The following FHIT variants were observed in gnomAD, a reference collection of about 807,000 sequenced individuals.
FHIT encodes bis(5'-adenosyl)-triphosphatase.
Under a neutral mutation model 17.9 loss-of-function variants are expected in FHIT, and 19 were observed. The ratio of observed to expected loss-of-function variants is 1.06; its 90% CI spans 0.74 to 1.56. The LOEUF (loss-of-function observed/expected upper bound fraction) is 1.56. FHIT is among the 40% of genes most tolerant of loss of function. The pLI is 0.00. For synonymous variants in FHIT, 81 were observed against 69.7 expected (o/e 1.16, Z -0.81); for missense variants, 248 against 189.2 (o/e 1.31, Z -1.82).
intron 5 of FHIT, among the ~76,000 whole-genome samples, chr3:60,360,275 T>A (rs2106994144): frequency 6.6e-6 from 1 of 151,832 alleles, no homozygotes; most frequent in South Asian, 2.1e-4. Flanking sequence ...TCTGAAACAA[T>A]CTTGAAAAGC....
intron 5 of FHIT, among the ~76,000 whole-genome samples, chr3:60,228,610 A>G (rs181307639): frequency 6.6e-6 from 1 of 152,246 alleles, no homozygotes; most frequent in African/African-American, 2.4e-5. Context: ...CTACATGTAT[A>G]AAATGGGAGA....
At chr3:61,239,948 G>A (rs1385376974) in intron 1 of FHIT, among the ~76,000 whole-genome samples, 2 of 151,956 alleles carry the variant, frequency 1.3e-5, no homozygotes, top group Non-Finnish European at 2.9e-5. Context: ...GGCCTCACCA[G>A]GGCCCTTGCA....
At chr3:60,493,146 G>A (rs137993815) in intron 5 of FHIT, among the ~76,000 whole-genome samples, 1 of 152,270 alleles carries the variant, frequency 6.6e-6, no homozygotes, top group East Asian at 1.9e-4. Flanking sequence ...GAATTTAGAG[G>A]AGTAAAAGAA....
intron 4 of FHIT, among the ~76,000 whole-genome samples, chr3:60,591,454 G>C (rs1553664233): frequency 6.6e-6 from 1 of 152,064 alleles, no homozygotes; most frequent in African/African-American, 2.4e-5. Flanking sequence ...CAGAGCAGGA[G>C]CTAGTTCCAA....
intron 8 of FHIT, among the ~76,000 whole-genome samples, chr3:59,868,452 A>C (rs372781252): frequency 5.9e-5 from 9 of 152,328 alleles, no homozygotes; most frequent in African/African-American, 1.9e-4. Context: ...AAATTAGCTC[A>C]AGCATCCCTT....
At chr3:60,465,754 T>G (rs1345139580) in intron 5 of FHIT, among the ~76,000 whole-genome samples, 3 of 152,112 alleles carry the variant, frequency 2.0e-5, no homozygotes, top group Admixed American at 6.5e-5. Context: ...TCTATGTGTC[T>G]GTTTTTATGC....
intron 4 of FHIT, among the ~76,000 whole-genome samples, chr3:60,569,200 A>G (rs544113566): frequency 6.6e-6 from 1 of 152,176 alleles, no homozygotes; most frequent in Admixed American, 6.5e-5. Context: ...TTAAAATAGA[A>G]ATCTATTTTC....
intron 3 of FHIT, among the ~76,000 whole-genome samples, chr3:60,860,814 A>T (rs150794512): frequency 0.45 from 1,338 of 2,986 alleles, 562 homozygotes; most frequent in Non-Finnish European, 0.92. Flanking sequence ...CATATATATC[A>T]GGTATATATG....
rs532736816 is a variant in FHIT at position 60,077,251 on chromosome 3, T to C, written c.104-63099A>G. 2.0e-5 allele frequency: 3 copies of C among 151,982 alleles called. No individual in the cohort carries two copies. In the East Asian group the frequency reaches 5.8e-4, roughly 29 times the overall value. 9.4% of individuals were successfully genotyped at this position (151,982 alleles called of 1,614,324 possible). A position where few individuals can be genotyped will look rare whatever the true frequency, so the allele number is the denominator to read the frequency against. ...TTTTTAATATATAAACTGAGAGATA[T>C]GGAAATATATATATAGTATGTGTAT... On this transcript the variant is annotated intron_variant, in intron 5 of 9. Transcript: ENST00000492590.
intron 5 of FHIT, among the ~76,000 whole-genome samples, chr3:60,504,199 G>T (rs572267498): frequency 1.7e-4 from 26 of 152,286 alleles, no homozygotes; most frequent in African/African-American, 6.3e-4. Context: ...ACTTTGGGCG[G>T]CCGAGGCGGG....
intron 3 of FHIT, chr3:60,912,681 G>A: frequency 2.1e-6 from 1 of 483,348 alleles, no homozygotes; most frequent in South Asian, 1.6e-5. Context: ...CTAGCCAGAA[G>A]AGACACCAGA....
intron 5 of FHIT, among the ~76,000 whole-genome samples, chr3:60,333,375 C>A (rs1311232152): frequency 6.6e-6 from 1 of 151,990 alleles, no homozygotes; most frequent in Non-Finnish European, 1.5e-5. Context: ...TAATGGAGCC[C>A]AAGAAGTAGA....
At chr3:60,196,300 T>A (rs1702637945) in intron 5 of FHIT, among the ~76,000 whole-genome samples, 1 of 152,104 alleles carries the variant, frequency 6.6e-6, no homozygotes, top group Admixed American at 6.5e-5. Flanking sequence ...GAAGCCCACA[T>A]TCCTCACCTC....
intron 3 of FHIT, among the ~76,000 whole-genome samples, chr3:60,858,728 T>C (rs1236237295): frequency 6.6e-6 from 1 of 152,156 alleles, no homozygotes; most frequent in African/African-American, 2.4e-5. Flanking sequence ...AGGACAGAAA[T>C]AGCCATTCAC....
At chr3:61,019,849 T>C (rs1440604450) in intron 3 of FHIT, among the ~76,000 whole-genome samples, 2 of 152,190 alleles carry the variant, frequency 1.3e-5, no homozygotes, top group African/African-American at 2.4e-5. Context: ...AACATCTTCA[T>C]TTATTCATAT....
At chr3:60,661,784 C>T (rs1049656362) in intron 4 of FHIT, among the ~76,000 whole-genome samples, 6 of 152,046 alleles carry the variant, frequency 3.9e-5, no homozygotes, top group East Asian at 1.9e-4. Flanking sequence ...GGTTTTGACT[C>T]GCATGTTCCT....
chr3:59,914,488 G>T (rs1705036968), intron 8 of FHIT, among the ~76,000 whole-genome samples: 1 of 152,112 alleles, frequency 6.6e-6, no homozygotes, highest in Non-Finnish European at 1.5e-5. Flanking sequence ...CAAGCTAAGA[G>T]GTTACGGGAT....
chr3:60,424,435 T>C (rs1044472403), intron 5 of FHIT, among the ~76,000 whole-genome samples: 12 of 152,186 alleles, frequency 7.9e-5, no homozygotes, highest in Admixed American at 7.2e-4. Context: ...AATGTATTTC[T>C]TGAAGAGCTT....
At position 60,266,392 on chromosome 3, in the gene FHIT, AG is replaced by A. The variant is rs149295354; in HGVS notation, c.104-252241del. ...GGAATCATAATGCCCAGGGCCGCGG[AG>A]GGGGCTTCATGAGAAACAGAAATGA... On this transcript the variant is annotated intron_variant, in intron 5 of 9. Coordinates refer to ENST00000492590, the MANE Select transcript of FHIT (RefSeq NM_002012.4). 2.8e-4 allele frequency among the ~76,000 whole-genome samples: 42 copies of A among 152,142 alleles called. 1 individual carries two copies. The Middle Eastern group carries it at 0.014, about 49-fold the overall frequency.
Sources: allele counts gnomAD v4.1 joint callset (sites outside exome capture counted in the v4.1 genomes callset), GRCh38; gene constraint gnomAD v4.1.1; transcripts MANE v1.5; gene names NCBI Gene and HGNC (gene_info 2026-07-23, HGNC 2026-07-21).